NBEA: variants seen among roughly 807,000 people sequenced by gnomAD.
The protein encoded by NBEA is neurobeachin, also known as lysosomal-trafficking regulator 2.
NBEA carries 44 observed loss-of-function variants against 343.4 expected under a neutral mutation model. The observed-to-expected ratio is 0.13, with a 90% CI of 0.10 to 0.16. The LOEUF (loss-of-function observed/expected upper bound fraction) is 0.16. NBEA is among the 10% of genes least tolerant of loss of function. The pLI is 1.00. For missense variants in NBEA, 2,555 were observed against 3,631.3 expected (o/e 0.70, Z 7.62); for synonymous variants, 1,175 against 1,238.7 (o/e 0.95, Z 1.08).
At chr13:35,272,806 A>C (rs768550699) in intron 34 of NBEA, among the ~76,000 whole-genome samples, 3 of 152,224 alleles carry the variant, frequency 2.0e-5, no homozygotes, top group Admixed American at 1.3e-4. Flanking sequence ...AGAGCTAACT[A>C]TCCTAAATAT....
At position 35,155,867 on chromosome 13, in the gene NBEA, G is replaced by T; in HGVS notation, c.2527+12G>T. 1 of 1,603,610 alleles carries T rather than the reference G, an allele frequency of 6.2e-7. No homozygotes were observed. Among genetic ancestry groups the T allele is most frequent in the Non-Finnish European group, 8.5e-7 (1 of 1,170,610 alleles). ...AATTCAGAATCCAAGTGAGCAAATG[G>T]CAGTTCTTTACTGTATTGTGGTAGG... On this transcript the variant is annotated intron_variant, in intron 19 of 58. Coordinates refer to ENST00000379939, the MANE Select transcript of NBEA (RefSeq NM_001385012.1).
At chr13:35,393,742 G>A (rs2042613108) in intron 38 of NBEA, among the ~76,000 whole-genome samples, 1 of 151,988 alleles carries the variant, frequency 6.6e-6, no homozygotes, top group Non-Finnish European at 1.5e-5. Context: ...TTTAGTGTAT[G>A]GTTTTCCAAG....
At chr13:35,340,259 G>A (rs919691937) in intron 36 of NBEA, among the ~76,000 whole-genome samples, 11 of 152,032 alleles carry the variant, frequency 7.2e-5, no homozygotes, top group African/African-American at 2.7e-4. Flanking sequence ...CATAAACAGA[G>A]CTCTTTATAC....
intron 19 of NBEA, 52 bp downstream of exon 19, chr13:35,155,907 T>C: frequency 1.3e-6 from 2 of 1,546,152 alleles, no homozygotes; most frequent in Admixed American, 1.7e-5. Context: ...TGGCAACATA[T>C]GAGACTAAAT....
chr13:35,281,390 G>A (rs1311663729), intron 34 of NBEA, among the ~76,000 whole-genome samples: 2 of 152,232 alleles, frequency 1.3e-5, no homozygotes, highest in Non-Finnish European at 2.9e-5. Context: ...GCACAAATAA[G>A]GAACTTTGTG....
At chr13:34,962,428 GA>G (rs893793565) in intron 1 of NBEA, among the ~76,000 whole-genome samples, 2 of 152,002 alleles carry the variant, frequency 1.3e-5, no homozygotes, top group Non-Finnish European at 2.9e-5. Flanking sequence ...GACCACTGGG[GA>G]AAAACTTGTT....
chr13:35,664,183 G>T (rs1274061405), intron 55 of NBEA, among the ~76,000 whole-genome samples: 2 of 152,164 alleles, frequency 1.3e-5, no homozygotes, highest in South Asian at 2.1e-4. Context: ...CAAAGAAGGG[G>T]CTATTCAGGG....
intron 25 of NBEA, among the ~76,000 whole-genome samples, 192 bp downstream of exon 25, chr13:35,169,187 T>C (rs1414116779): frequency 6.6e-6 from 1 of 151,608 alleles, no homozygotes; most frequent in Non-Finnish European, 1.5e-5. Context: ...TATTTTATTA[T>C]GCACAATAAT....
At chr13:35,109,605 G>A (rs1203136340) in intron 12 of NBEA, among the ~76,000 whole-genome samples, 163 bp downstream of exon 12, 2 of 151,304 alleles carry the variant, frequency 1.3e-5, no homozygotes, top group African/African-American at 4.8e-5. Context: ...ATATTTATAA[G>A]CAGTAAAATA....
intron 36 of NBEA, among the ~76,000 whole-genome samples, chr13:35,318,703 A>G (rs1245298980): frequency 2.6e-5 from 4 of 152,200 alleles, no homozygotes; most frequent in African/African-American, 7.2e-5. Flanking sequence ...TACCTCTGGT[A>G]GAATTCGGCT....
intron 48 of NBEA, among the ~76,000 whole-genome samples, chr13:35,624,910 A>C (rs1476651796): frequency 1.3e-5 from 2 of 152,110 alleles, no homozygotes; most frequent in Admixed American, 6.5e-5. Context: ...AAATAACGGC[A>C]GCTTTATGTC....
chr13:35,530,727 A>G (rs1053904680), intron 41 of NBEA, among the ~76,000 whole-genome samples: 9 of 144,514 alleles, frequency 6.2e-5, no homozygotes, highest in Non-Finnish European at 1.4e-4. Flanking sequence ...TACTTAATCT[A>G]TTTCCATGGT....
intron 1 of NBEA, among the ~76,000 whole-genome samples, chr13:34,965,443 C>T (rs952388019): frequency 6.6e-6 from 1 of 151,870 alleles, no homozygotes; most frequent in Non-Finnish European, 1.5e-5. Context: ...TTGGGAAAGA[C>T]ATTAAGGTGG....
chr13:35,661,422 T>G (rs2085084520), intron 55 of NBEA, among the ~76,000 whole-genome samples: 1 of 152,228 alleles, frequency 6.6e-6, no homozygotes, highest in African/African-American at 2.4e-5. Context: ...AATGAATGAA[T>G]AAATAATTTC....
chr13:34,992,906 G>T (rs1323954974), intron 1 of NBEA, among the ~76,000 whole-genome samples: 3 of 150,374 alleles, frequency 2.0e-5, no homozygotes, highest in Non-Finnish European at 4.4e-5. Flanking sequence ...GATGGTCTCG[G>T]TCTCTTGACC....
chr13:35,188,249 ATTT>A, intron 30 of NBEA, among the ~76,000 whole-genome samples: 1 of 142,138 alleles, frequency 7.0e-6, no homozygotes, highest in African/African-American at 2.6e-5. Context: ...CTCACGTATC[ATTT>A]TTTTTTTTTT....
rs372578440 is a variant in NBEA at position 35,018,504 on chromosome 13, A to T, written c.295-22429A>T. ...TGTATCTCATCTTTTTGTATTATAA[A>T]TGATATTCTTTTTAGTTTTAATTTA... On this transcript the variant is annotated intron_variant, in intron 1 of 58. Coordinates refer to ENST00000379939, the MANE Select transcript of NBEA (RefSeq NM_001385012.1). Among the ~76,000 whole-genome samples the T allele has an allele frequency of 1.9e-3, 282 of 152,204 alleles. 1 individual carries two copies. Among genetic ancestry groups the T allele is most frequent in the Middle Eastern group, 6.8e-3 (2 of 294 alleles).
intron 1 of NBEA, among the ~76,000 whole-genome samples, chr13:35,007,790 G>C (rs1486420076): frequency 6.6e-6 from 1 of 152,112 alleles, no homozygotes; most frequent in Admixed American, 6.6e-5. Context: ...ACCGTGCCCA[G>C]CCCTCAATCT....
At chr13:35,191,904 G>A (rs1483557690) in intron 30 of NBEA, among the ~76,000 whole-genome samples, 1 of 152,044 alleles carries the variant, frequency 6.6e-6, no homozygotes, top group Non-Finnish European at 1.5e-5. Context: ...AATGTGATAT[G>A]TGAAGTCACC....
Sources: allele counts gnomAD v4.1 joint callset (sites outside exome capture counted in the v4.1 genomes callset), GRCh38; gene constraint gnomAD v4.1.1; transcripts MANE v1.5; gene names NCBI Gene and HGNC (gene_info 2026-07-23, HGNC 2026-07-21).